The following PPFIBP1 variants were observed in gnomAD, a reference collection of about 807,000 sequenced individuals.
The protein encoded by PPFIBP1 is PPFIB scaffold protein 1.
A neutral mutation model predicts 137.8 loss-of-function variants in PPFIBP1; 112 were observed. The observed-to-expected ratio is 0.81, with a 90% CI of 0.70 to 0.95. The LOEUF is 0.95. Ranked by LOEUF, PPFIBP1 falls within the 40% of genes least tolerant of loss-of-function variation. The pLI, the probability that PPFIBP1 is intolerant of heterozygous loss-of-function variation, is 0.00. For missense variants in PPFIBP1, 1,083 were observed against 1,196.6 expected (o/e 0.91, Z 1.40); for synonymous variants, 378 against 417.3 (o/e 0.91, Z 1.15).
chr12:27,622,107 T>A (rs1278334888), intron 2 of PPFIBP1, among the ~76,000 whole-genome samples: 4 of 152,220 alleles, frequency 2.6e-5, no homozygotes, highest in African/African-American at 9.6e-5. Flanking sequence ...ATTGTCTTCA[T>A]CATTTTATAT....
chr12:27,597,237 G>A (rs12821947), intron 2 of PPFIBP1, among the ~76,000 whole-genome samples: 8,236 of 151,960 alleles, frequency 0.054, 293 homozygotes, highest in Non-Finnish European at 0.084. Flanking sequence ...GCACGATCTC[G>A]GCTCACTGCA....
chr12:27,591,095 CTT>C (rs557807878), intron 2 of PPFIBP1, among the ~76,000 whole-genome samples: 2 of 143,458 alleles, frequency 1.4e-5, no homozygotes, highest in African/African-American at 2.6e-5. Context: ...AAGATCAAGA[CTT>C]TTTTTTTTTT....
At chr12:27,637,397 A>G (rs2057759261) in intron 4 of PPFIBP1, 1 of 152,208 alleles carries the variant, frequency 6.6e-6, no homozygotes, top group South Asian at 2.1e-4. Flanking sequence ...TTTGTGTCTT[A>G]TTATTTGACA....
intron 2 of PPFIBP1, among the ~76,000 whole-genome samples, chr12:27,616,675 G>A (rs1291498227): frequency 6.6e-6 from 1 of 152,234 alleles, no homozygotes; most frequent in Non-Finnish European, 1.5e-5. Flanking sequence ...CTGAAAGCTT[G>A]GCATGAGATC....
chr12:27,539,063 A>G (rs1945367482), intron 1 of PPFIBP1, among the ~76,000 whole-genome samples: 1 of 152,208 alleles, frequency 6.6e-6, no homozygotes. Flanking sequence ...TCTAAGTATC[A>G]GTAGTGCTGA....
intron 2 of PPFIBP1, among the ~76,000 whole-genome samples, chr12:27,619,964 A>C (rs2056172354): frequency 6.6e-6 from 1 of 151,852 alleles, no homozygotes; most frequent in African/African-American, 2.4e-5. Context: ...TACATTTTAT[A>C]TATATATTTA....
chr12:27,692,686 A>G (rs1211386942), intron 29 of PPFIBP1, 30 bp downstream of exon 29: 15 of 1,613,846 alleles, frequency 9.3e-6, no homozygotes, highest in Non-Finnish European at 1.1e-5. Context: ...TGAAAATGTT[A>G]TTCTATAAAT....
At chr12:27,567,306 G>A (rs1441712582) in intron 1 of PPFIBP1, among the ~76,000 whole-genome samples, 3 of 152,158 alleles carry the variant, frequency 2.0e-5, no homozygotes, top group Non-Finnish European at 4.4e-5. Flanking sequence ...CCACAGTGGT[G>A]GGTCCTAATG....
intron 6 of PPFIBP1, 127 bp downstream of exon 6, chr12:27,647,969 A>AAG: frequency 7.9e-7 from 1 of 1,267,982 alleles, no homozygotes; most frequent in South Asian, 2.6e-5. Context: ...GCACATTAAA[A>AAG]AAAAAAAATT....
intron 2 of PPFIBP1, among the ~76,000 whole-genome samples, chr12:27,593,131 A>G (rs1250241338): frequency 6.7e-5 from 2 of 29,970 alleles, no homozygotes; most frequent in Non-Finnish European, 9.1e-5. Context: ...GAATGTCTCA[A>G]AAAAAAAAAA....
At chr12:27,658,111 T>C (rs2059327066) in intron 9 of PPFIBP1, among the ~76,000 whole-genome samples, 2 of 142,148 alleles carry the variant, frequency 1.4e-5, no homozygotes, top group African/African-American at 5.3e-5. Context: ...CACTTCAGCC[T>C]GGGCAATGGA....
intron 13 of PPFIBP1, among the ~76,000 whole-genome samples, chr12:27,670,014 G>A (rs2113875): frequency 0.8 from 121,836 of 152,160 alleles, 49,055 homozygotes; most frequent in East Asian, 0.89. Flanking sequence ...ACTGGTTGGC[G>A]TGTAGAAGGG....
At chr12:27,645,286 G>A (rs572725253) in intron 4 of PPFIBP1, among the ~76,000 whole-genome samples, 22 of 152,328 alleles carry the variant, frequency 1.4e-4, no homozygotes, top group African/African-American at 5.0e-4. Flanking sequence ...TTTCAAAGTG[G>A]TGCTTTTAGG....
At chr12:27,633,250 T>C in intron 2 of PPFIBP1, 112 bp from the exon 3 acceptor site, 3 of 708,988 alleles carry the variant, frequency 4.2e-6, no homozygotes, top group Admixed American at 5.1e-5. Context: ...CTACTGAAGT[T>C]CTTCTTCCAT....
chr12:27,569,495 C>T lies in PPFIBP1; in HGVS notation c.-123-8657C>T, dbSNP rs186637940. 3.3e-3 allele frequency among the ~76,000 whole-genome samples: 504 copies of T among 152,228 alleles called. 2 individuals carry two copies. The highest frequency in any genetic ancestry group is 0.032 in the South Asian group (152 of 4,812). ...CACTGGCTCTCTGTCAAAAAGTCTC[C>T]CTTCCTCATTCTCACATGTTCCTAC... On this transcript the variant is annotated intron_variant, in intron 1 of 29. Transcript: ENST00000228425.
intron 1 of PPFIBP1, among the ~76,000 whole-genome samples, chr12:27,557,392 C>T (rs1418770026): frequency 6.6e-6 from 1 of 151,970 alleles, no homozygotes; most frequent in Non-Finnish European, 1.5e-5. Context: ...CCCGCCACCA[C>T]GCCTGGCTAA....
chr12:27,529,529 A>G (rs1565709419), intron 1 of PPFIBP1, among the ~76,000 whole-genome samples: 2 of 152,182 alleles, frequency 1.3e-5, no homozygotes, highest in Non-Finnish European at 2.9e-5. Flanking sequence ...CCCCGTCTCT[A>G]CTAAAAATAC....
At chr12:27,626,689 C>T (rs745690996) in intron 2 of PPFIBP1, among the ~76,000 whole-genome samples, 6 of 152,106 alleles carry the variant, frequency 3.9e-5, no homozygotes, top group Non-Finnish European at 2.9e-5. Context: ...GCCTCAGCAT[C>T]TCCAGTAGCT....
At chr12:27,563,883 T>C (rs1028447583) in intron 1 of PPFIBP1, among the ~76,000 whole-genome samples, 4 of 151,592 alleles carry the variant, frequency 2.6e-5, no homozygotes, top group African/African-American at 9.7e-5. Context: ...TTTTTTTTTT[T>C]CTTTTTTGAG....
Sources: allele counts gnomAD v4.1 joint callset (sites outside exome capture counted in the v4.1 genomes callset), GRCh38; gene constraint gnomAD v4.1.1; transcripts MANE v1.5; gene names NCBI Gene and HGNC (gene_info 2026-07-23, HGNC 2026-07-21).